NUP107: variants seen among roughly 807,000 people sequenced by gnomAD.
NUP107 encodes the protein nucleoporin 107.
In NUP107, 101 loss-of-function variants were observed where a neutral mutation model predicts 141.0. The ratio of observed to expected loss-of-function variants is 0.72; its 90% CI spans 0.61 to 0.84. The LOEUF is 0.84. Among genes scored for constraint, NUP107 ranks in the 40% least tolerant of loss-of-function variants. NUP107 has a pLI of 0.00. For missense variants in NUP107, 941 were observed against 1,102.7 expected (o/e 0.85, Z 2.08); for synonymous variants, 319 against 363.9 (o/e 0.88, Z 1.41).
chr12:68,710,847 C>T (rs1054260381), intron 10 of NUP107, among the ~76,000 whole-genome samples: 59 of 152,070 alleles, frequency 3.9e-4, no homozygotes, highest in African/African-American at 1.4e-3. Context: ...ACAAATAATA[C>T]AATATTTTAT....
intron 26 of NUP107, among the ~76,000 whole-genome samples, chr12:68,737,662 A>G (rs1878135691): frequency 6.7e-6 from 1 of 148,812 alleles, no homozygotes; most frequent in Non-Finnish European, 1.5e-5. Context: ...AGTCTCAATT[A>G]TTTCTTTAAA....
chr12:68,693,200 C>T (rs1339655595), intron 5 of NUP107, among the ~76,000 whole-genome samples: 1 of 151,990 alleles, frequency 6.6e-6, no homozygotes, highest in Non-Finnish European at 1.5e-5. Context: ...GCCTCAGTCT[C>T]CTGAGTAGCT....
chr12:68,742,359 T>G lies in NUP107; in HGVS notation c.2675T>G (p.Phe892Cys). 6.3e-7 allele frequency: 1 copy of G among 1,596,574 alleles called. No homozygotes were observed. Among genetic ancestry groups the G allele is most frequent in the Non-Finnish European group, 8.6e-7 (1 of 1,166,066 alleles). ...ATTTCTCTTTTTAAAAATCAGGTAT[T>G]TTCTAAGGAAGAGCTAAGGAAGTTG... ...SSERHKLYLV[F>C]SKEELRKLLQ... The change falls in exon 28 of 28, where the codon TTT (phenylalanine) becomes TGT (cysteine). Residue 892 changes from phenylalanine to cysteine, a missense_variant. Phe to Cys is a radical substitution (Grantham distance 205). Transcript: ENST00000229179.
Position 68,731,187 on chromosome 12 carries a change from G to C in NUP107, c.1812G>C (p.Gln604His). 1.2e-6 allele frequency: 2 copies of C among 1,612,224 alleles called. No homozygotes were observed. Among genetic ancestry groups the C allele is most frequent in the Non-Finnish European group, 1.7e-6 (2 of 1,179,098 alleles). Residue 604 changes from glutamine (Q) to histidine (H), a missense_variant, in exon 21 of 28, where the codon CAG becomes CAC. Coordinates refer to ENST00000229179, the MANE Select transcript of NUP107 (RefSeq NM_020401.4). The stretch of plus-strand genomic sequence containing the variant: ...TGCCTCAAGACCTAGCTGTTGCCCA[G>C]TATGCATTATTTTTGGAAAGTGTTA... ...CHLPQDLAVA[Q>H]YALFLESVTE...
At chr12:68,735,112 A>G in intron 25 of NUP107, 119 bp from the exon 26 acceptor site, 1 of 763,724 alleles carries the variant, frequency 1.3e-6, no homozygotes, top group East Asian at 2.6e-5. Context: ...TGTACTTGGC[A>G]GACTGAAACA....
chr12:68,709,368 C>A, intron 9 of NUP107, 59 bp downstream of exon 9: 1 of 954,460 alleles, frequency 1.0e-6, no homozygotes, highest in South Asian at 1.5e-5. Flanking sequence ...TAATGACATG[C>A]AAAGTACTGA....
chr12:68,697,986 C>T (rs1876149044), intron 6 of NUP107, among the ~76,000 whole-genome samples: 1 of 151,202 alleles, frequency 6.6e-6, no homozygotes, highest in Non-Finnish European at 1.5e-5. Context: ...CAAGATTGAG[C>T]CACTGCACTC....
At chr12:68,705,077 G>C (rs1876515329) in intron 8 of NUP107, among the ~76,000 whole-genome samples, 1 of 151,356 alleles carries the variant, frequency 6.6e-6, no homozygotes, top group African/African-American at 2.4e-5. Flanking sequence ...ATAGAGATGG[G>C]GTGTCTTACT....
rs146767840 is a variant in NUP107, at chr12:68,706,257, T to C, written c.730-2981T>C. 3.0e-4 allele frequency: 231 copies of C among 776,344 alleles called. 1 individual carries two copies. In the African/African-American group the frequency reaches 3.6e-3, roughly 12 times the overall value. The allele number at this position is 776,344 out of a possible 1,614,324, so 48.1% of individuals were successfully genotyped here. A position where few individuals can be genotyped will look rare whatever the true frequency, so the allele number is the denominator to read the frequency against. On this transcript the variant is annotated intron_variant, in intron 8 of 27. Coordinates refer to ENST00000229179, the MANE Select transcript of NUP107 (RefSeq NM_020401.4). ...ATGGATGAAGCTTACAAGAACAAGG[T>C]AGAGCTGGAGTCTCACCTGGAAGGG... is the stretch of plus-strand genomic sequence containing the variant.
At chr12:68,741,236 C>T (rs1204462769) in intron 26 of NUP107, among the ~76,000 whole-genome samples, 1 of 151,914 alleles carries the variant, frequency 6.6e-6, no homozygotes, top group African/African-American at 2.4e-5. Context: ...AAAGGAATGC[C>T]AATTGTTTTT....
chr12:68,742,768 A>C lies in NUP107; in HGVS notation c.*306A>C, dbSNP rs1382551457. 1.9e-5 allele frequency: 3 copies of C among 158,298 alleles called. No individual in the cohort carries two copies. The highest frequency in any genetic ancestry group is 7.2e-5 in the African/African-American group (3 of 41,690). 9.8% of individuals were successfully genotyped at this position (158,298 alleles called of 1,614,324 possible). On this transcript the variant is annotated 3_prime_UTR_variant, in exon 28 of 28. Transcript: ENST00000229179. ...TTTTTCTGTAATCATAAGCATTCTG[A>C]TATTTTAAAATCATAAAGATGATGG...
Position 68,725,745 on chromosome 12 carries a change from C to G in NUP107, c.1525C>G (p.Gln509Glu), listed in dbSNP as rs751146847. 3.9e-6 allele frequency: 6 copies of G among 1,523,356 alleles called. No individual in the cohort carries two copies. In the African/African-American group the frequency reaches 5.6e-5, roughly 14 times the overall value. 94.4% of individuals were successfully genotyped at this position (1,523,356 alleles called of 1,614,324 possible). ...TTTTCAGAGAGTTCTGGAAGAGAAT[C>G]AAGAACATTATCATATAGTTCAAAA... The part of the protein sequence containing the change: ...TDKKRVLEEN[Q>E]EHYHIVQKFL... Residue 509 changes from glutamine (Q) to glutamate (E), a missense_variant, in exon 18 of 28, where the codon CAA (glutamine) becomes GAA (glutamate). Physicochemically the swap from Gln to Glu is conservative, Grantham distance 29 (BLOSUM62 2). Coordinates refer to ENST00000229179, the MANE Select transcript of NUP107 (RefSeq NM_020401.4).
intron 8 of NUP107, among the ~76,000 whole-genome samples, chr12:68,708,072 A>G (rs1876680574): frequency 6.6e-6 from 1 of 152,158 alleles, no homozygotes; most frequent in South Asian, 2.1e-4. Flanking sequence ...AGCCTGGATG[A>G]CAGAGTAAGA....
chr12:68,697,028 C>A, intron 6 of NUP107, 106 bp downstream of exon 6: 1 of 571,678 alleles, frequency 1.7e-6, no homozygotes. Flanking sequence ...CTTAGGGGAA[C>A]AGTGGCAGGA....
Position 68,733,670 on chromosome 12 carries a change from CT to C in NUP107, c.2262+59del, listed in dbSNP as rs1159580838. The C allele has an allele frequency of 3.2e-6, 5 of 1,541,192 alleles. No homozygotes were observed. The African/African-American group carries it at 6.9e-5, about 21-fold the overall frequency. ...ACTTCATGATGATTTTTCGGATTCA[CT>C]CTCAGAGTTTGAACTTTTTTCTAGA... is the stretch of plus-strand genomic sequence containing the variant. On this transcript the variant is annotated intron_variant, in intron 24 of 27. Transcript: ENST00000229179.
rs185569683 is a variant in NUP107, at chr12:68,701,427, A to G, written c.680+574A>G. ...CTGGGCACAGTGGCTCATGCCTGTA[A>G]TCCCAGTACTTTGGGAGGCCAAGGT... On this transcript the variant is annotated intron_variant, in intron 7 of 27. Coordinates refer to ENST00000229179, the MANE Select transcript of NUP107 (RefSeq NM_020401.4). Among the ~76,000 whole-genome samples the G allele has an allele frequency of 4.1e-4, 62 of 152,326 alleles. 1 individual carries two copies. The highest frequency in any genetic ancestry group is 1.8e-3 in the Admixed American group (27 of 15,292).
Position 68,709,260 on chromosome 12 carries a change from C to A in NUP107, c.752C>A (p.Thr251Lys), listed in dbSNP as rs763045225. The A allele has an allele frequency of 1.9e-6, 3 of 1,602,492 alleles. No homozygotes were observed. The African/African-American group carries it at 4.0e-5, about 22-fold the overall frequency. ...TAGGCTGTTAATGCCAGTGAAAAAA[C>A]AGTTGTGGAAGCGTTATTTCAGAGG... is the stretch of plus-strand genomic sequence containing the variant. ...AVTAVNASEK[T>K]VVEALFQRDS... Residue 251 changes from threonine to lysine, a missense_variant, in exon 9 of 28, where the codon ACA (threonine) becomes AAA (lysine). By Grantham distance (78) the Thr-to-Lys change is moderately conservative. Coordinates refer to ENST00000229179, the MANE Select transcript of NUP107 (RefSeq NM_020401.4).
chr12:68,732,605 T>G, intron 22 of NUP107, 32 bp from the exon 23 acceptor site: 1 of 1,390,796 alleles, frequency 7.2e-7, no homozygotes, highest in South Asian at 1.3e-5. Flanking sequence ...ACTCTGATAT[T>G]CCTTTTTCTT....
In NUP107 at chr12:68,742,356, T is replaced by C. The variant is rs1306439148; in HGVS notation, c.2672T>C (p.Val891Ala). Reference sequence around the variant, plus strand: ...CTTATTTCTCTTTTTAAAAATCAGGTATTTTCTAAGGAAGAGCTAAGGAAG... The same window carrying C: ...CTTATTTCTCTTTTTAAAAATCAGGCATTTTCTAAGGAAGAGCTAAGGAAG... ...VSSERHKLYLVFSKEELRKLL... is the reference protein window; with the variant it reads ...VSSERHKLYLAFSKEELRKLL... Residue 891 changes from valine to alanine, a missense_variant and splice_region_variant, in exon 28 of 28, where the codon GTA becomes GCA. Coordinates refer to ENST00000229179, the MANE Select transcript of NUP107 (RefSeq NM_020401.4). The C allele has an allele frequency of 2.5e-6, 4 of 1,586,638 alleles. No individual in the cohort carries two copies. The South Asian group carries it at 4.5e-5, about 18-fold the overall frequency.
Sources: allele counts gnomAD v4.1 joint callset (sites outside exome capture counted in the v4.1 genomes callset), GRCh38; gene constraint gnomAD v4.1.1; transcripts MANE v1.5; gene names NCBI Gene and HGNC (gene_info 2026-07-23, HGNC 2026-07-21).